The following PID1 variants were observed in gnomAD, a reference collection of about 807,000 sequenced individuals.
The protein encoded by PID1 is phosphotyrosine interaction domain containing 1.
PID1 carries 10 observed loss-of-function variants against 19.1 expected under a neutral mutation model. That is an observed-to-expected ratio of 0.52 (90% CI 0.32 to 0.89). The LOEUF is 0.89. PID1 is among the 40% of genes least tolerant of loss of function. PID1 has a pLI of 0.03. For missense variants in PID1, 248 were observed against 285.3 expected (o/e 0.87, Z 0.94); for synonymous variants, 130 against 116.0 (o/e 1.12, Z -0.78).
chr2:229,054,092 A>T (rs1010038824), intron 2 of PID1, among the ~76,000 whole-genome samples: 3 of 135,740 alleles, frequency 2.2e-5, no homozygotes, highest in African/African-American at 1.1e-4. Context: ...GCAGGGTGGG[A>T]TATTAAAAAA....
chr2:229,150,270 TAAAGA>T (rs147700952), intron 2 of PID1, among the ~76,000 whole-genome samples: 201 of 140,024 alleles, frequency 1.4e-3, no homozygotes, highest in African/African-American at 5.0e-3. Context: ...AAGAAAGAAG[TAAAGA>T]AAAGAAAAGA....
intron 1 of PID1, among the ~76,000 whole-genome samples, chr2:229,247,703 C>T (rs781051903): frequency 7.9e-5 from 12 of 152,182 alleles, no homozygotes; most frequent in Non-Finnish European, 2.9e-5. Context: ...TGGAGAACAG[C>T]CCCTGCCTTT....
rs117835204 is a variant in PID1, at chr2:229,122,763, C to T, written c.177+33055G>A. On this transcript the variant is annotated intron_variant, in intron 2 of 2. Transcript: ENST00000392055. Reference sequence around the variant, plus strand: ...CATGAACTTTTAGCCAACCCTATGCCCTGAAGCAAGAAGCAAGAAATGAGG... The same window carrying T: ...CATGAACTTTTAGCCAACCCTATGCTCTGAAGCAAGAAGCAAGAAATGAGG... Among the ~76,000 whole-genome samples, 136 of 152,106 alleles carry T rather than the reference C, an allele frequency of 8.9e-4. 4 individuals carry two copies. In the East Asian group the frequency reaches 0.023, roughly 26 times the overall value.
chr2:229,102,521 T>C (rs1228959621), intron 2 of PID1, among the ~76,000 whole-genome samples: 1 of 152,140 alleles, frequency 6.6e-6, no homozygotes, highest in East Asian at 1.9e-4. Flanking sequence ...CTCTCCAAAC[T>C]AGCTCAGAGC....
intron 2 of PID1, among the ~76,000 whole-genome samples, chr2:229,046,266 A>C (rs1693875220): frequency 6.6e-6 from 1 of 151,508 alleles, no homozygotes; most frequent in African/African-American, 2.4e-5. Flanking sequence ...CATATAACTA[A>C]CTTCCTAAAC....
At chr2:229,239,380 G>A (rs1689808193) in intron 1 of PID1, among the ~76,000 whole-genome samples, 1 of 152,116 alleles carries the variant, frequency 6.6e-6, no homozygotes, top group South Asian at 2.1e-4. Context: ...GAGGAAACGA[G>A]TAAGGGAAAA....
chr2:229,191,192 A>G (rs912710863), intron 1 of PID1, among the ~76,000 whole-genome samples: 3 of 152,174 alleles, frequency 2.0e-5, no homozygotes, highest in Admixed American at 2.0e-4. Context: ...ATTAGATGAC[A>G]GCTGAATCTC....
At chr2:229,051,860 C>A (rs1694003291) in intron 2 of PID1, among the ~76,000 whole-genome samples, 1 of 152,162 alleles carries the variant, frequency 6.6e-6, no homozygotes, top group Non-Finnish European at 1.5e-5. Flanking sequence ...TGGTAGGTAA[C>A]ACATTCTTCC....
At chr2:229,134,564 A>T (rs1689820521) in intron 2 of PID1, among the ~76,000 whole-genome samples, 1 of 152,094 alleles carries the variant, frequency 6.6e-6, no homozygotes, top group Non-Finnish European at 1.5e-5. Context: ...TGATTCCAAA[A>T]GTTAAAGCGT....
chr2:229,153,681 A>G (rs2106193442), intron 2 of PID1, among the ~76,000 whole-genome samples: 1 of 152,200 alleles, frequency 6.6e-6, no homozygotes, highest in South Asian at 2.1e-4. Flanking sequence ...GAACCCTATA[A>G]TCCTTTTCAG....
chr2:229,118,146 C>A (rs961759818), intron 2 of PID1, among the ~76,000 whole-genome samples: 4 of 152,070 alleles, frequency 2.6e-5, no homozygotes, highest in Non-Finnish European at 5.9e-5. Context: ...GAATGCATCA[C>A]AAAGAAAGTG....
intron 1 of PID1, among the ~76,000 whole-genome samples, chr2:229,180,931 G>A (rs1341329232): frequency 6.6e-6 from 1 of 152,202 alleles, no homozygotes; most frequent in African/African-American, 2.4e-5. Context: ...GACGCCGCCA[G>A]AACAGCGACG....
chr2:229,221,077 C>G (rs951660151), intron 1 of PID1, among the ~76,000 whole-genome samples: 1 of 152,184 alleles, frequency 6.6e-6, no homozygotes, highest in African/African-American at 2.4e-5. Context: ...GTACATACAT[C>G]TGGTATCCCC....
At chr2:229,135,156 C>A (rs1213845885) in intron 2 of PID1, among the ~76,000 whole-genome samples, 1 of 151,832 alleles carries the variant, frequency 6.6e-6, no homozygotes, top group African/African-American at 2.4e-5. Flanking sequence ...AGAGGCTAAT[C>A]TAGAAATGAA....
intron 1 of PID1, among the ~76,000 whole-genome samples, chr2:229,163,735 TACAC>T (rs916692390): frequency 6.6e-6 from 1 of 151,632 alleles, no homozygotes; most frequent in South Asian, 2.1e-4. Context: ...TGACTTGAAA[TACAC>T]ACACACACGC....
intron 1 of PID1, among the ~76,000 whole-genome samples, chr2:229,233,964 A>G (rs1692270677): frequency 6.6e-6 from 1 of 152,246 alleles, no homozygotes; most frequent in Non-Finnish European, 1.5e-5. Context: ...CAAGAAGCAT[A>G]TGACTTGGAA....
At chr2:229,262,889 C>T in intron 1 of PID1, 1 of 1,520,286 alleles carries the variant, frequency 6.6e-7, no homozygotes, top group East Asian at 2.5e-5. Context: ...GTCTGCAAAT[C>T]TCTCCTTATA....
chr2:229,158,328 G>A (rs1690423731), intron 1 of PID1, among the ~76,000 whole-genome samples: 1 of 152,150 alleles, frequency 6.6e-6, no homozygotes, highest in African/African-American at 2.4e-5. Flanking sequence ...TGTGTAGCCA[G>A]TTTGCACACA....
At chr2:229,104,215 A>T (rs1215266763) in intron 2 of PID1, among the ~76,000 whole-genome samples, 1 of 152,188 alleles carries the variant, frequency 6.6e-6, no homozygotes, top group Non-Finnish European at 1.5e-5. Context: ...AGCCTGTGCT[A>T]CAGACAACCT....
Sources: allele counts gnomAD v4.1 joint callset (sites outside exome capture counted in the v4.1 genomes callset), GRCh38; gene constraint gnomAD v4.1.1; transcripts MANE v1.5; gene names NCBI Gene and HGNC (gene_info 2026-07-23, HGNC 2026-07-21).